The following LRRFIP2 variants were observed in gnomAD, a reference collection of about 807,000 sequenced individuals.
LRRFIP2 encodes LRR binding FLII interacting protein 2.
LRRFIP2 carries 109 observed loss-of-function variants against 125.9 expected under a neutral mutation model. That is an observed-to-expected ratio of 0.87 (90% CI 0.74 to 1.01). LRRFIP2 has a LOEUF of 1.01. LRRFIP2 is among the 50% of genes least tolerant of loss of function. The pLI, the probability that LRRFIP2 is intolerant of heterozygous loss-of-function variation, is 0.00. For synonymous variants in LRRFIP2, 291 were observed against 293.1 expected (o/e 0.99, Z 0.07); for missense variants, 850 against 862.3 (o/e 0.99, Z 0.18).
chr3:37,109,572 C>A lies in LRRFIP2; in HGVS notation c.565-1G>T. ...GACCAGAATTTGCAGTAGGAGAGGC[C>A]TAAGAAAAAAGTGTATTATTAAACC... On this transcript the variant is annotated splice_acceptor_variant, in intron 10 of 27. Transcript: ENST00000336686. LOFTEE classifies it high-confidence loss of function. The A allele has an allele frequency of 6.2e-7, 1 of 1,613,752 alleles. No homozygotes were observed. The highest frequency in any genetic ancestry group is 2.2e-5 in the East Asian group (1 of 44,854).
intron 20 of LRRFIP2, 142 bp from the exon 21 acceptor site, chr3:37,073,024 G>T (rs2091499065): frequency 1.8e-6 from 1 of 569,786 alleles, no homozygotes; most frequent in East Asian, 3.0e-5. Flanking sequence ...AGCAAAATTG[G>T]TCTGCCAAAA....
At chr3:37,123,250 G>A (rs1013606619) in intron 4 of LRRFIP2, among the ~76,000 whole-genome samples, 1 of 152,140 alleles carries the variant, frequency 6.6e-6, no homozygotes, top group Non-Finnish European at 1.5e-5. Context: ...ATGCAGTGGC[G>A]CGACCTCAGT....
chr3:37,089,066 C>T (rs1023006659), intron 18 of LRRFIP2, among the ~76,000 whole-genome samples: 1 of 151,898 alleles, frequency 6.6e-6, no homozygotes, highest in Non-Finnish European at 1.5e-5. Context: ...TGTTCTATAG[C>T]TTGCCTTTTT....
At chr3:37,146,388 C>CTGG (rs902672491) in intron 2 of LRRFIP2, among the ~76,000 whole-genome samples, 1 of 152,124 alleles carries the variant, frequency 6.6e-6, no homozygotes, top group African/African-American at 2.4e-5. Context: ...TGATGGTTTG[C>CTGG]TGTACCTATC....
At position 37,056,603 on chromosome 3, in the gene LRRFIP2, G is replaced by A. The variant is rs532689750; in HGVS notation, c.1871-1438C>T. 7.2e-5 allele frequency among the ~76,000 whole-genome samples: 11 copies of A among 151,944 alleles called. No individual in the cohort carries two copies. In the South Asian group the frequency reaches 1.7e-3, roughly 23 times the overall value. ...TGAGTAGCTGGGACTACAGGCACCC[G>A]CCACCATGCCTGGCTAAATTTTTGT... is the stretch of plus-strand genomic sequence containing the variant. On this transcript the variant is annotated intron_variant, in intron 25 of 27. Transcript: ENST00000336686.
intron 14 of LRRFIP2, among the ~76,000 whole-genome samples, chr3:37,104,072 T>G (rs918809638): frequency 1.3e-5 from 2 of 152,150 alleles, no homozygotes; most frequent in African/African-American, 4.8e-5. Context: ...CTTACAAGTA[T>G]GAAGTTTTGC....
chr3:37,149,544 C>A (rs1274191103), intron 1 of LRRFIP2, among the ~76,000 whole-genome samples: 1 of 151,904 alleles, frequency 6.6e-6, no homozygotes, highest in Non-Finnish European at 1.5e-5. Flanking sequence ...AAATAAATAA[C>A]TATAGTTATT....
intron 18 of LRRFIP2, among the ~76,000 whole-genome samples, chr3:37,087,611 C>T (rs557379057): frequency 3.5e-4 from 53 of 149,468 alleles, no homozygotes; most frequent in Admixed American, 1.9e-3. Flanking sequence ...TTTTTTGAGA[C>T]GGAGTCTCAC....
intron 1 of LRRFIP2, among the ~76,000 whole-genome samples, chr3:37,169,918 T>C (rs1181502821): frequency 6.6e-6 from 1 of 152,256 alleles, no homozygotes; most frequent in Non-Finnish European, 1.5e-5. Context: ...TCTTTACCAC[T>C]TTCTTTCACT....
chr3:37,102,457 A>AAC (rs916355840), intron 15 of LRRFIP2, among the ~76,000 whole-genome samples: 1 of 152,032 alleles, frequency 6.6e-6, no homozygotes, highest in Non-Finnish European at 1.5e-5. Context: ...TACATTCCAA[A>AAC]ACAGAGCAAA....
intron 22 of LRRFIP2, 51 bp from the exon 23 acceptor site, chr3:37,065,993 A>G (rs945000689): frequency 1.2e-6 from 2 of 1,610,620 alleles, no homozygotes; most frequent in Non-Finnish European, 1.7e-6. Flanking sequence ...GGAAGCTGTA[A>G]GCTCTGTGAG....
intron 18 of LRRFIP2, among the ~76,000 whole-genome samples, chr3:37,089,282 G>A (rs1348024301): frequency 1.3e-5 from 2 of 151,822 alleles, no homozygotes; most frequent in Non-Finnish European, 2.9e-5. Flanking sequence ...GCATTTTCTG[G>A]GTAATAGTAC....
chr3:37,155,787 G>T (rs1031267903), intron 1 of LRRFIP2, among the ~76,000 whole-genome samples: 1 of 152,184 alleles, frequency 6.6e-6, no homozygotes, highest in Non-Finnish European at 1.5e-5. Context: ...ACTTTAAACT[G>T]CAACAACAAA....
At chr3:37,138,485 G>A (rs1340051343) in intron 2 of LRRFIP2, among the ~76,000 whole-genome samples, 2 of 152,180 alleles carry the variant, frequency 1.3e-5, no homozygotes, top group African/African-American at 4.8e-5. Flanking sequence ...GTATATTTAA[G>A]TACTGTATCT....
At chr3:37,072,248 C>A (rs2091323431) in intron 21 of LRRFIP2, among the ~76,000 whole-genome samples, 1 of 152,168 alleles carries the variant, frequency 6.6e-6, no homozygotes, top group Non-Finnish European at 1.5e-5. Flanking sequence ...CGCCTATAAT[C>A]CTAGCACTTT....
chr3:37,121,768 G>A, intron 4 of LRRFIP2, 77 bp from the exon 5 acceptor site: 1 of 1,408,424 alleles, frequency 7.1e-7, no homozygotes, highest in Non-Finnish European at 1.0e-6. Flanking sequence ...GCAAAGAGCA[G>A]TCAGTTAACA....
At chr3:37,091,566 A>G (rs1324739231) in intron 17 of LRRFIP2, 28 bp from the exon 18 acceptor site, 1 of 1,510,190 alleles carries the variant, frequency 6.6e-7, no homozygotes, top group Non-Finnish European at 9.1e-7. Context: ...GAACCATTGC[A>G]TAAAACCATG....
chr3:37,166,481 C>T (rs547140082), intron 1 of LRRFIP2, among the ~76,000 whole-genome samples: 2 of 152,248 alleles, frequency 1.3e-5, no homozygotes, highest in Non-Finnish European at 2.9e-5. Flanking sequence ...ACTCCTACAA[C>T]TAAGCAACAA....
rs2089454032 is a variant in LRRFIP2, at chr3:37,063,869, T to A, written c.1700-78A>T. 15 of 951,192 alleles carry A rather than the reference T, an allele frequency of 1.6e-5. No homozygotes were observed. In the East Asian group the frequency reaches 3.6e-4, roughly 23 times the overall value. 58.9% of individuals were successfully genotyped at this position (951,192 alleles called of 1,614,324 possible). A position where few individuals can be genotyped will look rare whatever the true frequency, so the allele number is the denominator to read the frequency against. ...AACAATTAAAAATTTTTCAAACTCA[T>A]AAACAGCTAATATTATCTGATAAAT... On this transcript the variant is annotated intron_variant, in intron 23 of 27. Transcript: ENST00000336686.
Sources: allele counts gnomAD v4.1 joint callset (sites outside exome capture counted in the v4.1 genomes callset), GRCh38; gene constraint gnomAD v4.1.1; transcripts MANE v1.5; gene names NCBI Gene and HGNC (gene_info 2026-07-23, HGNC 2026-07-21).